Variants in DNAH17 observed in about 807,000 individuals in gnomAD.
DNAH17 encodes axonemal beta dynein heavy chain 17.
In DNAH17, 376 loss-of-function variants were observed where a neutral mutation model predicts 485.6. The ratio of observed to expected loss-of-function variants is 0.77; its 90% CI spans 0.71 to 0.84. DNAH17 has a LOEUF of 0.84. DNAH17 is among the 40% of genes least tolerant of loss of function. The probability of loss-of-function intolerance (pLI) is 0.00; values close to 1 mark genes in which losing one functional copy is unlikely to be tolerated. For missense variants in DNAH17, 6,370 were observed against 5,839.3 expected, an observed-to-expected ratio of 1.09 and a Z score of -2.96; for synonymous variants, 3,031 against 2,405.9, an observed-to-expected ratio of 1.26 and a Z score of -7.60.
At position 78,459,048 on chromosome 17, in the gene DNAH17, G is replaced by C. The variant is rs745627393; in HGVS notation, c.9814C>G (p.Leu3272Val). 2 of 1,614,056 alleles carry C rather than the reference G, an allele frequency of 1.2e-6. No homozygotes were observed. The highest frequency in any genetic ancestry group is 1.7e-6 in the Non-Finnish European group (2 of 1,179,902). The change falls in exon 61 of 81, where the codon CTG (leucine) becomes GTG (valine). Residue 3272 changes from leucine to valine, a missense_variant. Transcript: ENST00000389840. The stretch of plus-strand genomic sequence containing the variant: ...GACAGCTTCTCTTGTGCCTCTGCCA[G>C]CTCTGCATTAGCCTCCTCCAGTGCC... ...RQALEEANAE[L>V]AEAQEKLSRI...
At chr17:78,529,181 C>T (rs1485776180) in intron 22 of DNAH17, among the ~76,000 whole-genome samples, 1 of 152,188 alleles carries the variant, frequency 6.6e-6, no homozygotes, top group Non-Finnish European at 1.5e-5. Flanking sequence ...CTCAGGCAAT[C>T]TGCCCACCTT....
chr17:78,468,872 A>G lies in DNAH17; in HGVS notation c.8523T>C (p.Ala2841=). 5 of 1,613,290 alleles carry G rather than the reference A, an allele frequency of 3.1e-6. No individual in the cohort carries two copies. The highest frequency in any genetic ancestry group is 4.2e-6 in the Non-Finnish European group (5 of 1,179,756). The stretch of plus-strand genomic sequence containing the variant: ...TCACGGCAGCCTTTATGTACTGAGC[A>G]GCGAGGTCAATCTGGACGGAGTGAG... ...YGIPDLKIDL[A]AQYIKAAVKN... The change falls in exon 55 of 81, where the codon GCT becomes GCC. Residue 2841 remains alanine (A), a synonymous_variant. Transcript: ENST00000389840.
intron 26 of DNAH17, among the ~76,000 whole-genome samples, 162 bp downstream of exon 26, chr17:78,514,612 G>C (rs913769478): frequency 6.6e-6 from 1 of 152,036 alleles, no homozygotes; most frequent in Non-Finnish European, 1.5e-5. Context: ...GTGGAGCCCA[G>C]TGTGACTGCG....
Position 78,445,637 on chromosome 17 carries a change from A to G in DNAH17, c.11255T>C (p.Phe3752Ser). ...GGCCTTAAAAGGGAACCGCAGGAGG[A>G]AATCCAGCTCCACTGGGTTCAGCTC... ...KKELNPVELD[F>S]LLRFPFKAGV... Residue 3752 changes from phenylalanine to serine, a missense_variant, in exon 70 of 81, where the codon TTC becomes TCC. Transcript: ENST00000389840. The G allele has an allele frequency of 6.4e-7, 1 of 1,573,320 alleles. No homozygotes were observed. Among genetic ancestry groups the G allele is most frequent in the African/African-American group, 1.3e-5 (1 of 74,078 alleles).
intron 55 of DNAH17, among the ~76,000 whole-genome samples, chr17:78,467,188 G>A (rs139269338): frequency 3.9e-5 from 6 of 152,368 alleles, no homozygotes; most frequent in African/African-American, 1.4e-4. Context: ...GGCCCTGAGG[G>A]ATAGTGGCTA....
rs532868411 is a variant in DNAH17, at chr17:78,426,387, T to G, written c.12915+70A>C. On this transcript the variant is annotated intron_variant, in intron 79 of 80. Coordinates refer to ENST00000389840, the MANE Select transcript of DNAH17 (RefSeq NM_173628.4). ...CCATGCTCCTGCAGGCTCTAGGGTG[T>G]GGGGTGTGCCGAGCTCTGGGCACTC... is the stretch of plus-strand genomic sequence containing the variant. 25 of 1,477,768 alleles carry G rather than the reference T, an allele frequency of 1.7e-5. No homozygotes were observed. In the African/African-American group the frequency reaches 2.4e-4, roughly 14 times the overall value. The allele number at this position is 1,477,768 out of a possible 1,614,324, so 91.5% of individuals were successfully genotyped here. A position where few individuals can be genotyped will look rare whatever the true frequency, so the allele number is the denominator to read the frequency against.
intron 7 of DNAH17, 138 bp from the exon 8 acceptor site, chr17:78,569,665 G>C (rs2092321620): frequency 8.6e-7 from 1 of 1,160,170 alleles, no homozygotes; most frequent in Non-Finnish European, 1.2e-6. Context: ...GCCCACTGCT[G>C]GGCCGTTTTT....
chr17:78,441,086 G>A lies in DNAH17; in HGVS notation c.11642C>T (p.Pro3881Leu), dbSNP rs780967834. 2.7e-5 allele frequency: 43 copies of A among 1,610,252 alleles called. No individual in the cohort carries two copies. The highest frequency in any genetic ancestry group is 1.6e-4 in the Middle Eastern group (1 of 6,076). The change falls in exon 72 of 81, where the codon CCG (proline) becomes CTG (leucine). Residue 3881 changes from proline to leucine, a missense_variant. Pro to Leu is a moderately conservative substitution (Grantham distance 98). Coordinates refer to ENST00000389840, the MANE Select transcript of DNAH17 (RefSeq NM_173628.4). The part of the protein sequence containing the change: ...PSTSIFFILS[P>L]GVDPLKDVEA... ...CACGTCTTTCAAGGGGTCAACCCCC[G>A]GGGAGAGGATGAAGAAGATTGACGT...
intron 17 of DNAH17, among the ~76,000 whole-genome samples, chr17:78,542,162 T>C (rs541341772): frequency 2.9e-4 from 34 of 117,118 alleles, no homozygotes; most frequent in African/African-American, 1.0e-3. Context: ...TTTTTTTTTT[T>C]CTGAGGTGGA....
chr17:78,475,027 G>A (rs960886950), intron 54 of DNAH17, among the ~76,000 whole-genome samples: 1 of 104,622 alleles, frequency 9.6e-6, no homozygotes. Context: ...TGGCTGGAAG[G>A]TTTCAGACCC....
Position 78,571,703 on chromosome 17 carries a change from C to T in DNAH17, c.619G>A (p.Val207Met). Residue 207 changes from valine (V) to methionine (M), a missense_variant, in exon 4 of 81, where the codon GTG (valine) becomes ATG (methionine). By Grantham distance (21) the Val-to-Met change is conservative. Transcript: ENST00000389840. ...IIDWSHQIRD[V>M]LSKDSAQALL... ...GCCTGGGCTGAGTCTTTGCTCAGCA[C>T]ATCCCGGATCTGGTGGGACCAGTCG... 2 of 1,613,888 alleles carry T rather than the reference C, an allele frequency of 1.2e-6. No homozygotes were observed. Among genetic ancestry groups the T allele is most frequent in the Non-Finnish European group, 1.7e-6 (2 of 1,179,808 alleles).
rs769632393 is a variant in DNAH17, at chr17:78,459,944, T to C, written c.9493A>G (p.Thr3165Ala). 1.2e-6 allele frequency: 2 copies of C among 1,613,694 alleles called. No homozygotes were observed. Among genetic ancestry groups the C allele is most frequent in the South Asian group, 1.1e-5 (1 of 91,074 alleles). The change falls in exon 60 of 81, where the codon ACC becomes GCC. Residue 3165 changes from threonine to alanine, a missense_variant. By Grantham distance (58) the Thr-to-Ala change is moderately conservative (BLOSUM62 0). Coordinates refer to ENST00000389840, the MANE Select transcript of DNAH17 (RefSeq NM_173628.4). ...GSPPDAVVNV[T>A]AAVMILTAPG... ...GCGGTCAGAATCATGACGGCGGCGG[T>C]GACGTTGACCACAGCATCCGGCGGG...
rs145505271 is a variant in DNAH17 at position 78,462,972 on chromosome 17, T to C, written c.9046A>G (p.Thr3016Ala). 1.3e-4 allele frequency: 210 copies of C among 1,614,008 alleles called. 1 individual carries two copies. The highest frequency in any genetic ancestry group is 3.7e-4 in the South Asian group (34 of 91,082). ...LATERRYNYT[T>A]PKTFLEQIKL... is the part of the protein sequence containing the mutation. ...ATCTGCTCCAGAAAGGTTTTGGGTGTGGTGTAGTTGTAGCGCCTCTCAGTA... is the reference window on the plus strand; with the variant it reads ...ATCTGCTCCAGAAAGGTTTTGGGTGCGGTGTAGTTGTAGCGCCTCTCAGTA... The change falls in exon 57 of 81, where the codon ACA becomes GCA. Residue 3016 changes from threonine to alanine, a missense_variant. Transcript: ENST00000389840.
chr17:78,467,131 G>A (rs545718291), intron 55 of DNAH17, among the ~76,000 whole-genome samples: 3 of 152,328 alleles, frequency 2.0e-5, no homozygotes, highest in East Asian at 1.9e-4. Flanking sequence ...GCCCCAGAAC[G>A]GGCCGGGCTC....
chr17:78,499,180 C>T (rs2090183578), intron 36 of DNAH17, 68 bp from the exon 37 acceptor site: 1 of 1,099,550 alleles, frequency 9.1e-7, no homozygotes, highest in Admixed American at 3.0e-5. Context: ...CTGCAGGGGC[C>T]TCCCCCTGCC....
chr17:78,507,503 G>A lies in DNAH17; in HGVS notation c.4539C>T (p.Leu1513=). 5 of 1,613,230 alleles carry A rather than the reference G, an allele frequency of 3.1e-6. No individual in the cohort carries two copies. The highest frequency in any genetic ancestry group is 3.4e-6 in the Non-Finnish European group (4 of 1,179,174). The stretch of plus-strand genomic sequence containing the variant: ...CGTCAAAGCGCTGGGAGTCCCCCGG[G>A]AGCTGGGTGCGGATGTCTTCGGAGC... The part of the protein sequence containing the change: ...FIGSEDIRTQ[L]PGDSQRFDDI... The change falls in exon 28 of 81, where the codon CTC becomes CTT. Residue 1513 remains leucine, a synonymous_variant. Coordinates refer to ENST00000389840, the MANE Select transcript of DNAH17 (RefSeq NM_173628.4).
Position 78,448,592 on chromosome 17 carries a change from G to A in DNAH17, c.11211+822C>T, listed in dbSNP as rs76225499. Among the ~76,000 whole-genome samples, 593 of 152,314 alleles carry A rather than the reference G, an allele frequency of 3.9e-3. 2 individuals are homozygous for A. Among genetic ancestry groups the A allele is most frequent in the African/African-American group, 0.014 (569 of 41,566 alleles). ...AACCATACTTATGGCACAGTGTAAA[G>A]GAAATTGCAGAGGGGCTGTACTATG... is the stretch of plus-strand genomic sequence containing the variant. On this transcript the variant is annotated intron_variant, in intron 69 of 80. Transcript: ENST00000389840.
chr17:78,504,010 C>A (rs190520239), intron 31 of DNAH17, among the ~76,000 whole-genome samples: 424 of 137,248 alleles, frequency 3.1e-3, no homozygotes, highest in East Asian at 0.024. Context: ...AAAAAAAAAA[C>A]CATACTCACA....
rs115400183 is a variant in DNAH17, at chr17:78,574,095, G to A, written c.345+618C>T. Among the ~76,000 whole-genome samples, 392 of 152,280 alleles carry A rather than the reference G, an allele frequency of 2.6e-3. 3 individuals carry two copies. The highest frequency in any genetic ancestry group is 8.8e-3 in the African/African-American group (364 of 41,566). The stretch of plus-strand genomic sequence containing the variant: ...CAGGCCATGGGCAGCAACCGTACCC[G>A]GCACAGCATGGCAGTCTCAATGCTG... On this transcript the variant is annotated intron_variant, in intron 2 of 80. Transcript: ENST00000389840.
Sources: allele counts gnomAD v4.1 joint callset (sites outside exome capture counted in the v4.1 genomes callset), GRCh38; gene constraint gnomAD v4.1.1; transcripts MANE v1.5; gene names NCBI Gene and HGNC (gene_info 2026-07-23, HGNC 2026-07-21).